Variants in PRKG1 observed in about 807,000 individuals in gnomAD.
PRKG1 encodes the protein cGMP-dependent protein kinase 1.
In PRKG1, 35 loss-of-function variants were observed where a neutral mutation model predicts 88.1. That is an observed-to-expected ratio of 0.40 (90% confidence interval 0.30 to 0.53). The LOEUF is 0.53. Among genes scored for constraint, PRKG1 ranks in the 20% least tolerant of loss-of-function variants. The pLI, the probability that PRKG1 is intolerant of heterozygous loss-of-function variation, is 0.59. For missense variants in PRKG1, 540 were observed against 839.8 expected, an observed-to-expected ratio of 0.64 and a Z score of 4.41; for synonymous variants, 303 against 292.5, an observed-to-expected ratio of 1.04 and a Z score of -0.37.
intron 4 of PRKG1, among the ~76,000 whole-genome samples, chr10:51,896,355 C>A (rs1389284215): frequency 2.0e-5 from 3 of 152,036 alleles, no homozygotes; most frequent in Non-Finnish European, 4.4e-5. Context: ...GTCATACCTA[C>A]TATTTTTCTT....
At chr10:51,674,255 G>A (rs1840655257) in intron 3 of PRKG1, among the ~76,000 whole-genome samples, 2 of 151,986 alleles carry the variant, frequency 1.3e-5, no homozygotes, top group African/African-American at 4.8e-5. Flanking sequence ...GTGCCATGGT[G>A]GTTTGCCCCC....
intron 4 of PRKG1, among the ~76,000 whole-genome samples, chr10:51,841,099 A>C (rs1379622626): frequency 6.6e-6 from 1 of 152,198 alleles, no homozygotes; most frequent in Non-Finnish European, 1.5e-5. Flanking sequence ...TAGAAAACTT[A>C]TCTCTTCTAA....
chr10:51,435,651 C>T (rs1257300216), intron 2 of PRKG1, among the ~76,000 whole-genome samples: 1 of 151,916 alleles, frequency 6.6e-6, no homozygotes, highest in South Asian at 2.1e-4. Context: ...TTACTTACTC[C>T]ATTCATTTAT....
chr10:52,291,700 C>A (rs1418191505), intron 17 of PRKG1, among the ~76,000 whole-genome samples: 2 of 151,956 alleles, frequency 1.3e-5, no homozygotes, highest in Non-Finnish European at 2.9e-5. Context: ...GTGAATAGTG[C>A]CGCAATAAAC....
intron 5 of PRKG1, among the ~76,000 whole-genome samples, chr10:52,013,044 T>C (rs548223126): frequency 2.0e-4 from 31 of 152,288 alleles, no homozygotes; most frequent in Non-Finnish European, 3.8e-4. Flanking sequence ...TGTAGTCTAA[T>C]AAAATAGTAA....
intron 3 of PRKG1, among the ~76,000 whole-genome samples, chr10:51,654,776 T>A (rs1461595559): frequency 6.6e-6 from 1 of 152,166 alleles, no homozygotes; most frequent in Non-Finnish European, 1.5e-5. Context: ...AATTCCAAAT[T>A]TTTTGATTAA....
In PRKG1 at chr10:51,890,024, T is replaced by A. The variant is rs555676847; in HGVS notation, c.699-17483T>A. Among the ~76,000 whole-genome samples, 14 of 152,322 alleles carry A rather than the reference T, an allele frequency of 9.2e-5. No homozygotes were observed. The South Asian group carries it at 2.9e-3, about 32-fold the overall frequency. On this transcript the variant is annotated intron_variant, in intron 4 of 17. Coordinates refer to ENST00000373980, the MANE Select transcript of PRKG1 (RefSeq NM_006258.4). The stretch of plus-strand genomic sequence containing the variant: ...TCTTTAGGTTGCCTGTTCACTCTGA[T>A]GGTAGTTTCTTTTGCTGTGCAGAAG...
intron 3 of PRKG1, among the ~76,000 whole-genome samples, chr10:51,617,730 C>T (rs1462905728): frequency 6.6e-6 from 1 of 152,168 alleles, no homozygotes; most frequent in African/African-American, 2.4e-5. Context: ...ATGAAATCGC[C>T]TAATGACACA....
At chr10:51,663,184 T>A (rs972113258) in intron 3 of PRKG1, among the ~76,000 whole-genome samples, 1 of 151,902 alleles carries the variant, frequency 6.6e-6, no homozygotes, top group Non-Finnish European at 1.5e-5. Context: ...GGGGCCAGAT[T>A]GGGCAACACT....
At chr10:52,151,507 A>G (rs956332426) in intron 8 of PRKG1, among the ~76,000 whole-genome samples, 1 of 152,230 alleles carries the variant, frequency 6.6e-6, no homozygotes, top group Non-Finnish European at 1.5e-5. Flanking sequence ...TGTGAAACTT[A>G]TCATTGGTTT....
At chr10:51,103,487 G>A (rs949308842) in intron 1 of PRKG1, among the ~76,000 whole-genome samples, 2 of 152,098 alleles carry the variant, frequency 1.3e-5, no homozygotes, top group African/African-American at 2.4e-5. Flanking sequence ...ATAGAATTCC[G>A]AGCCCAATAA....
intron 2 of PRKG1, among the ~76,000 whole-genome samples, chr10:51,185,147 T>C (rs1044783331): frequency 5.3e-5 from 8 of 152,146 alleles, no homozygotes; most frequent in Non-Finnish European, 1.0e-4. Context: ...TTTCACAGGG[T>C]CAAGTCTTGG....
At chr10:51,479,626 G>A (rs970721181) in intron 3 of PRKG1, among the ~76,000 whole-genome samples, 3 of 151,120 alleles carry the variant, frequency 2.0e-5, no homozygotes, top group South Asian at 2.1e-4. Context: ...TTCCACTCTC[G>A]ATGTGCATAT....
At chr10:52,000,709 TTTG>T (rs1245290253) in intron 5 of PRKG1, among the ~76,000 whole-genome samples, 2 of 152,016 alleles carry the variant, frequency 1.3e-5, no homozygotes, top group Non-Finnish European at 2.9e-5. Context: ...TTTTTTCTTT[TTTG>T]TTGTTGTTAA....
intron 1 of PRKG1, among the ~76,000 whole-genome samples, chr10:51,029,031 C>T (rs1843244422): frequency 6.6e-6 from 1 of 152,054 alleles, no homozygotes; most frequent in Admixed American, 6.6e-5. Context: ...CCATGGGCAG[C>T]TCTGTGTGAA....
rs1390597341 is a variant in PRKG1, at chr10:52,202,936, ATCATTCTTATTTAT to A, written c.1076+40976_1076+40989del. ...CTCTCTTTTCTCTAGCTAGTGGTCT[ATCATTCTTATTTAT>A]TCTTTCAAAGAACTAACTTCTGGTT... is the stretch of plus-strand genomic sequence containing the variant. On this transcript the variant is annotated intron_variant, in intron 9 of 17. Coordinates refer to ENST00000373980, the MANE Select transcript of PRKG1 (RefSeq NM_006258.4). Among the ~76,000 whole-genome samples, 27 of 152,092 alleles carry A rather than the reference ATCATTCTTATTTAT, an allele frequency of 1.8e-4. 2 individuals are homozygous for A. In the East Asian group the frequency reaches 4.8e-3, roughly 27 times the overall value.
chr10:52,147,432 A>G (rs908685645), intron 8 of PRKG1, among the ~76,000 whole-genome samples: 6 of 152,226 alleles, frequency 3.9e-5, no homozygotes, highest in African/African-American at 1.2e-4. Context: ...CCATGGGACC[A>G]GAAAACAAAA....
chr10:52,223,266 C>CTGCT (rs1840296433), intron 9 of PRKG1, among the ~76,000 whole-genome samples: 1 of 152,242 alleles, frequency 6.6e-6, no homozygotes, highest in South Asian at 2.1e-4. Flanking sequence ...TTTATCCATA[C>CTGCT]TGCTCTACCA....
At chr10:51,182,063 AT>A (rs1477566059) in intron 2 of PRKG1, among the ~76,000 whole-genome samples, 4 of 151,980 alleles carry the variant, frequency 2.6e-5, no homozygotes, top group Admixed American at 6.6e-5. Context: ...CACAGTTGTC[AT>A]TTTTTTTCCA....
Sources: gnomAD v4.1 joint callset for allele counts (sites outside exome capture counted in the v4.1 genomes callset) on GRCh38, gnomAD v4.1.1 for gene constraint, MANE v1.5 for transcripts, NCBI Gene and HGNC (gene_info 2026-07-23, HGNC 2026-07-21) for gene names.